Variants in QKI observed in about 807,000 individuals in gnomAD.
QKI encodes the protein KH domain-containing RNA-binding protein QKI.
Under a neutral mutation model 39.0 loss-of-function variants are expected in QKI, and 10 were observed. The observed-to-expected ratio is 0.26, with a 90% CI of 0.16 to 0.43. The LOEUF (loss-of-function observed/expected upper bound fraction) is 0.43, where lower values mean the gene tolerates loss of function less well. Ranked by LOEUF, QKI falls within the 20% of genes least tolerant of loss-of-function variation. The pLI, the probability that QKI is intolerant of heterozygous loss-of-function variation, is 1.00. For synonymous variants in QKI, 204 were observed against 155.4 expected, an observed-to-expected ratio of 1.31 and a Z score of -2.33; for missense variants, 218 against 428.0, an observed-to-expected ratio of 0.51 and a Z score of 4.33.
At chr6:163,532,803 G>A (rs1346232205) in intron 3 of QKI, among the ~76,000 whole-genome samples, 2 of 152,152 alleles carry the variant, frequency 1.3e-5, no homozygotes, top group Non-Finnish European at 2.9e-5. Flanking sequence ...GACTCTCTGA[G>A]CTTTGGCTGC....
At position 163,534,975 on chromosome 6, in the gene QKI, T is replaced by G. The variant is rs750630952; in HGVS notation, c.403-7T>G. ...AATTTTAATCATGTACTCTGTAAATTTTTTAGGAGGAGCAAAATAGAGGCA... is the reference window on the plus strand; with the variant it reads ...AATTTTAATCATGTACTCTGTAAATGTTTTAGGAGGAGCAAAATAGAGGCA... On this transcript the variant is annotated splice_polypyrimidine_tract_variant and splice_region_variant and intron_variant, in intron 3 of 7. Coordinates refer to ENST00000361752, the MANE Select transcript of QKI (RefSeq NM_006775.3). The G allele has an allele frequency of 1.9e-6, 3 of 1,590,472 alleles. No homozygotes were observed. Among genetic ancestry groups the G allele is most frequent in the Non-Finnish European group, 2.6e-6 (3 of 1,170,380 alleles).
chr6:163,566,712 T>C lies in QKI; in HGVS notation c.935-9T>C. On this transcript the variant is annotated splice_polypyrimidine_tract_variant and intron_variant, in intron 6 of 7. Coordinates refer to ENST00000361752, the MANE Select transcript of QKI (RefSeq NM_006775.3). ...TCTAACTTTGTCTTGGTAATTGCAA[T>C]TTAACTAGGTGCGGTGGCTACTAAA... 6.2e-7 allele frequency: 1 copy of C among 1,613,436 alleles called. No homozygotes were observed. Among genetic ancestry groups the C allele is most frequent in the Non-Finnish European group, 8.5e-7 (1 of 1,179,656 alleles).
At chr6:163,541,145 C>G (rs1781480491) in intron 4 of QKI, among the ~76,000 whole-genome samples, 1 of 151,980 alleles carries the variant, frequency 6.6e-6, no homozygotes, top group African/African-American at 2.4e-5. Flanking sequence ...TTAGCTGTAT[C>G]CAACAAATAA....
At chr6:163,506,389 T>C (rs1050271008) in intron 3 of QKI, among the ~76,000 whole-genome samples, 2 of 151,994 alleles carry the variant, frequency 1.3e-5, no homozygotes, top group African/African-American at 4.8e-5. Context: ...TGTATGGGAG[T>C]TTTATGATTA....
At chr6:163,564,223 T>A (rs1056478752) in intron 6 of QKI, 5 of 1,032,524 alleles carry the variant, frequency 4.8e-6, no homozygotes, top group Non-Finnish European at 4.7e-6. Context: ...AATACAGTCA[T>A]GCATCGCTTA....
chr6:163,513,018 C>T (rs532218090), intron 3 of QKI, among the ~76,000 whole-genome samples: 82 of 152,240 alleles, frequency 5.4e-4, no homozygotes, highest in African/African-American at 1.8e-3. Flanking sequence ...CAAGATGCTT[C>T]GAGAGATCAC....
Position 163,570,703 on chromosome 6 carries a change from G to T in QKI, c.1019G>T (p.Gly340Val), listed in dbSNP as rs770116592. The T allele has an allele frequency of 8.7e-6, 14 of 1,611,720 alleles. No homozygotes were observed. The Admixed American group carries it at 2.3e-4, about 27-fold the overall frequency. The change falls in exon 8 of 8, where the codon GGC becomes GTC. Residue 340 changes from glycine to valine, a missense_variant. Gly to Val is a moderately radical substitution (Grantham distance 109, BLOSUM62 -3). This residue lies in a region of QKI where 117 missense variants were observed against 186.0 expected (regional missense o/e 0.63). Transcript: ENST00000361752. ...RIVTADRAAT[G>V]N Reference sequence around the variant, plus strand: ...GTTTCTAACCACCCAGCCGCCACCGGCAACTAACCTATGACCTTCTGACCT... The same window carrying T: ...GTTTCTAACCACCCAGCCGCCACCGTCAACTAACCTATGACCTTCTGACCT...
intron 3 of QKI, among the ~76,000 whole-genome samples, chr6:163,532,374 C>T (rs1382104144): frequency 6.6e-6 from 1 of 152,050 alleles, no homozygotes; most frequent in African/African-American, 2.4e-5. Flanking sequence ...GGGAGGTGGT[C>T]TCATGTATTG....
chr6:163,466,219 C>T (rs187373834), intron 2 of QKI, among the ~76,000 whole-genome samples: 318 of 151,772 alleles, frequency 2.1e-3, no homozygotes, highest in Admixed American at 3.5e-3. Context: ...GATGCCTGCT[C>T]GCTGAAAAGT....
At chr6:163,543,233 T>C (rs1339798943) in intron 4 of QKI, among the ~76,000 whole-genome samples, 1 of 152,086 alleles carries the variant, frequency 6.6e-6, no homozygotes, top group Non-Finnish European at 1.5e-5. Context: ...ATATTGATCA[T>C]TGAAATTTGT....
At chr6:163,511,965 A>G (rs1779508489) in intron 3 of QKI, among the ~76,000 whole-genome samples, 1 of 99,934 alleles carries the variant, frequency 1.0e-5, no homozygotes, top group Non-Finnish European at 2.2e-5. Flanking sequence ...ATTTGAGCAA[A>G]TTAAATTAAC....
chr6:163,490,176 G>T (rs1019048622), intron 3 of QKI, among the ~76,000 whole-genome samples: 3 of 152,164 alleles, frequency 2.0e-5, no homozygotes, highest in African/African-American at 7.2e-5. Flanking sequence ...CTGGTTTAGA[G>T]GGAACCTTAT....
intron 4 of QKI, among the ~76,000 whole-genome samples, chr6:163,561,264 GTA>G (rs937447341): frequency 6.6e-6 from 1 of 152,132 alleles, no homozygotes; most frequent in African/African-American, 2.4e-5. Context: ...GCGCGTGTGT[GTA>G]TGTGTGTGTT....
chr6:163,518,679 TACTA>T (rs547422677), intron 3 of QKI, among the ~76,000 whole-genome samples: 124 of 152,312 alleles, frequency 8.1e-4, no homozygotes, highest in African/African-American at 2.9e-3. Context: ...ATTTAGGTGT[TACTA>T]ACTGTTGTCA....
chr6:163,573,896 C>G lies in QKI; in HGVS notation c.*3186C>G, dbSNP rs1321412008. ...AAAGTCTTGAGTTACTGGACTAACC[C>G]TGAAGAACGTGACCACAGATAACAT... On this transcript the variant is annotated 3_prime_UTR_variant, in exon 8 of 8. Coordinates refer to ENST00000361752, the MANE Select transcript of QKI (RefSeq NM_006775.3). The G allele has an allele frequency of 2.6e-5, 4 of 152,166 alleles. No homozygotes were observed. The East Asian group carries it at 7.7e-4, about 29-fold the overall frequency. The allele number at this position is 152,166 out of a possible 1,614,324, so 9.4% of individuals were successfully genotyped here. A position where few individuals can be genotyped will look rare whatever the true frequency, so the allele number is the denominator to read the frequency against.
chr6:163,548,420 A>AT (rs1782023455), intron 4 of QKI, among the ~76,000 whole-genome samples: 1 of 152,124 alleles, frequency 6.6e-6, no homozygotes, highest in Admixed American at 6.5e-5. Context: ...TTTTTGCCTC[A>AT]TTTTTTAAAT....
Position 163,570,798 on chromosome 6 carries a change from C to A in QKI, c.*88C>A. On this transcript the variant is annotated 3_prime_UTR_variant, in exon 8 of 8. Transcript: ENST00000361752. ...ATCAGTTAACTGGTAATCGCCTTTG[C>A]TTGCCTGTCGTCAGTGCAGCGAGCT... 1 of 1,544,884 alleles carries A rather than the reference C, an allele frequency of 6.5e-7. No individual in the cohort carries two copies. Among genetic ancestry groups the A allele is most frequent in the Non-Finnish European group, 8.8e-7 (1 of 1,135,514 alleles).
intron 3 of QKI, among the ~76,000 whole-genome samples, chr6:163,490,059 T>G (rs1350948877): frequency 6.6e-6 from 1 of 152,186 alleles, no homozygotes; most frequent in East Asian, 1.9e-4. Context: ...ATCTTACAAA[T>G]TGTATTCTTA....
intron 2 of QKI, among the ~76,000 whole-genome samples, chr6:163,477,101 C>T (rs567006637): frequency 1.3e-5 from 2 of 151,724 alleles, no homozygotes; most frequent in Non-Finnish European, 2.9e-5. Context: ...CGGCAACCTC[C>T]ACCTCCTGGG....
Sources: gnomAD v4.1 joint callset for allele counts (sites outside exome capture counted in the v4.1 genomes callset) on GRCh38, gnomAD v4.1.1 for gene constraint, gnomAD v4.1.1 regional missense constraint, MANE v1.5 for transcripts, NCBI Gene and HGNC (gene_info 2026-07-23, HGNC 2026-07-21) for gene names.